The following LYST variants were observed in gnomAD, a reference collection of about 807,000 sequenced individuals.
LYST encodes the protein lysosomal-trafficking regulator.
In LYST, 192 loss-of-function variants were observed where a neutral mutation model predicts 413.6. The observed-to-expected ratio is 0.46, with a 90% confidence interval of 0.41 to 0.52. The LOEUF is 0.52. Among genes scored for constraint, LYST ranks in the 20% least tolerant of loss-of-function variants. The pLI is 0.00. For synonymous variants in LYST, 1,525 were observed against 1,567.3 expected (o/e 0.97, Z 0.64); for missense variants, 3,815 against 4,499.9 (o/e 0.85, Z 4.35).
rs184072099 is a variant in LYST, at chr1:235,791,570, C to T, written c.4543+129G>A. On this transcript the variant is annotated intron_variant, in intron 12 of 52. Transcript: ENST00000389793. ...TTTGATAAGTCAGGACCTACCACCA[C>T]TAAGTAAGGCATTTAAGGTGAAGAA... The T allele has an allele frequency of 8.6e-5, 68 of 790,402 alleles. No homozygotes were observed. In the African/African-American group the frequency reaches 9.9e-4, roughly 12 times the overall value. 49.0% of individuals were successfully genotyped at this position (790,402 alleles called of 1,614,324 possible). A position where few individuals can be genotyped will look rare whatever the true frequency, so the allele number is the denominator to read the frequency against.
At chr1:235,862,460 G>GT (rs1366507614) in intron 1 of LYST, among the ~76,000 whole-genome samples, 1 of 152,126 alleles carries the variant, frequency 6.6e-6, no homozygotes, top group African/African-American at 2.4e-5. Context: ...ATAGGATTCA[G>GT]TACTATCCAC....
chr1:235,711,959 A>C (rs1662435661), intron 43 of LYST, 98 bp downstream of exon 43: 1 of 929,662 alleles, frequency 1.1e-6, no homozygotes, highest in Admixed American at 3.0e-5. Flanking sequence ...GGGACTCAAA[A>C]ATTTTTAGGA....
intron 2 of LYST, 125 bp from the exon 3 acceptor site, chr1:235,830,549 T>C: frequency 1.3e-6 from 1 of 747,738 alleles, no homozygotes; most frequent in Non-Finnish European, 2.2e-6. Flanking sequence ...AAATTGGTAC[T>C]TAACCCTATA....
chr1:235,706,203 A>AT (rs1661975128), intron 44 of LYST, among the ~76,000 whole-genome samples: 1 of 152,156 alleles, frequency 6.6e-6, no homozygotes, highest in Admixed American at 6.6e-5. Context: ...CAACCCCAAA[A>AT]TTTCGTACCC....
At position 235,788,861 on chromosome 1, in the gene LYST, G is replaced by T; in HGVS notation, c.4544-16C>A. ...CTGTCGCTCTCTATAAGAAAAAGAT[G>T]TTAGAATGATCAGTAAAATGGTTCG... is the stretch of plus-strand genomic sequence containing the variant. On this transcript the variant is annotated splice_polypyrimidine_tract_variant and intron_variant, in intron 12 of 52. Transcript: ENST00000389793. The T allele has an allele frequency of 1.2e-6, 2 of 1,612,016 alleles. No individual in the cohort carries two copies. The highest frequency in any genetic ancestry group is 1.1e-5 in the South Asian group (1 of 91,050).
At chr1:235,740,707 G>C (rs1357751725) in intron 31 of LYST, among the ~76,000 whole-genome samples, 1 of 152,156 alleles carries the variant, frequency 6.6e-6, no homozygotes, top group African/African-American at 2.4e-5. Flanking sequence ...TTCTTCTGTT[G>C]ATAAGCATTT....
intron 14 of LYST, among the ~76,000 whole-genome samples, chr1:235,785,241 G>A (rs1670298185): frequency 1.3e-5 from 2 of 152,104 alleles, no homozygotes; most frequent in African/African-American, 4.8e-5. Context: ...CCCATCGTAA[G>A]TGTCAAACTC....
chr1:235,756,539 T>C (rs957860583), intron 24 of LYST, among the ~76,000 whole-genome samples: 1 of 152,132 alleles, frequency 6.6e-6, no homozygotes, highest in Non-Finnish European at 1.5e-5. Flanking sequence ...CTAGGTTGTA[T>C]TGCAAGTGAT....
intron 18 of LYST, 52 bp downstream of exon 18, chr1:235,774,861 G>A (rs1417752525): frequency 1.7e-6 from 2 of 1,172,704 alleles, no homozygotes; most frequent in Middle Eastern, 2.8e-4. Flanking sequence ...TTGATGACGA[G>A]ATGAGTATCA....
chr1:235,693,543 C>T, intron 46 of LYST, 57 bp from the exon 47 acceptor site: 1 of 1,606,116 alleles, frequency 6.2e-7, no homozygotes, highest in South Asian at 1.1e-5. Flanking sequence ...TGTTACATGA[C>T]AGCCCAAAAC....
chr1:235,701,644 A>G lies in LYST; in HGVS notation c.10374+1103T>C, dbSNP rs181303784. Among the ~76,000 whole-genome samples the G allele has an allele frequency of 3.3e-3, 500 of 152,272 alleles. 3 individuals are homozygous for G. The highest frequency in any genetic ancestry group is 0.011 in the African/African-American group (476 of 41,544). On this transcript the variant is annotated intron_variant, in intron 45 of 52. Coordinates refer to ENST00000389793, the MANE Select transcript of LYST (RefSeq NM_000081.4). ...CTCATCTCAATCAATCAATCAATCA[A>G]TCAATCAAGTGACAGATTGTAGTTA... is the stretch of plus-strand genomic sequence containing the variant.
At chr1:235,801,404 CA>C (rs1349559812) in intron 8 of LYST, among the ~76,000 whole-genome samples, 1 of 150,700 alleles carries the variant, frequency 6.6e-6, no homozygotes, top group Non-Finnish European at 1.5e-5. Context: ...AAAACCTATT[CA>C]AACTTTCTGA....
At chr1:235,695,579 T>C (rs893002196) in intron 46 of LYST, among the ~76,000 whole-genome samples, 1 of 151,994 alleles carries the variant, frequency 6.6e-6, no homozygotes, top group Non-Finnish European at 1.5e-5. Context: ...AAAGTGATAA[T>C]ACCTGCTCTT....
intron 18 of LYST, 61 bp from the exon 19 acceptor site, chr1:235,774,052 AG>A: frequency 1.8e-6 from 2 of 1,099,404 alleles, no homozygotes; most frequent in Non-Finnish European, 2.8e-6. Context: ...GAAGTTCAAC[AG>A]AAACATTAAG....
At chr1:235,853,813 G>C (rs1352677656) in intron 1 of LYST, among the ~76,000 whole-genome samples, 1 of 152,048 alleles carries the variant, frequency 6.6e-6, no homozygotes, top group East Asian at 1.9e-4. Flanking sequence ...AAATTCAGAG[G>C]AAGTCACACT....
chr1:235,812,163 C>T (rs960754169), intron 4 of LYST, among the ~76,000 whole-genome samples: 1 of 151,956 alleles, frequency 6.6e-6, no homozygotes, highest in Non-Finnish European at 1.5e-5. Flanking sequence ...AAATATCTAT[C>T]GACCTTACAT....
intron 46 of LYST, among the ~76,000 whole-genome samples, chr1:235,696,761 T>G (rs1226756181): frequency 1.3e-5 from 2 of 152,198 alleles, no homozygotes; most frequent in Non-Finnish European, 2.9e-5. Flanking sequence ...GATGGTAGAT[T>G]TGTTGGTCAA....
rs1474607133 is a variant in LYST at position 235,712,070 on chromosome 1, T to C, written c.9912A>G (p.Leu3304=). 2.6e-6 allele frequency: 4 copies of C among 1,542,590 alleles called. No individual in the cohort carries two copies. Among genetic ancestry groups the C allele is most frequent in the African/African-American group, 2.7e-5 (2 of 72,892 alleles). ...TTATTGCTATACCTTCACGGTTAAC[T>C]AGGAACTCTGGAAGATAGAAAAACT... ...IPEFFYLPEF[L]VNREGFDFGV... Residue 3304 remains leucine, a synonymous_variant, in exon 43 of 53, where the codon CTA becomes CTG. Transcript: ENST00000389793.
intron 47 of LYST, among the ~76,000 whole-genome samples, chr1:235,690,733 C>T (rs1490977070): frequency 6.6e-6 from 1 of 152,096 alleles, no homozygotes; most frequent in African/African-American, 2.4e-5. Context: ...GAATGGGATA[C>T]ATTTTAGGAC....
Sources: gnomAD v4.1 joint callset for allele counts (sites outside exome capture counted in the v4.1 genomes callset) on GRCh38, gnomAD v4.1.1 for gene constraint, MANE v1.5 for transcripts, NCBI Gene and HGNC (gene_info 2026-07-23, HGNC 2026-07-21) for gene names.